GNG7: variants seen among roughly 807,000 people sequenced by gnomAD.
GNG7 encodes guanine nucleotide-binding protein G(I)/G(S)/G(O) subunit gamma-7.
GNG7 carries 1 observed loss-of-function variant against 4.0 expected under a neutral mutation model. The ratio of observed to expected loss-of-function variants is 0.25; its 90% CI spans 0.09 to 1.18. The LOEUF is 1.18. Ranked by LOEUF, GNG7 falls within the 50% of genes most tolerant of loss-of-function variation. GNG7 has a pLI of 0.50. For synonymous variants in GNG7, 34 were observed against 36.9 expected, an observed-to-expected ratio of 0.92 and a Z score of 0.29; for missense variants, 86 against 91.9, an observed-to-expected ratio of 0.94 and a Z score of 0.26.
rs190498127 is a variant in GNG7 at position 2,545,455 on chromosome 19, C to T, written c.-38+9694G>A. 2.6e-3 allele frequency among the ~76,000 whole-genome samples: 394 copies of T among 151,970 alleles called. 1 individual carries two copies. The highest frequency in any genetic ancestry group is 8.5e-3 in the African/African-American group (351 of 41,448). On this transcript the variant is annotated intron_variant, in intron 3 of 4. Transcript: ENST00000382159. ...TTGACGTCAGGGGTTCGAGACCAGC[C>T]TGGTCAACATAGTGAAACCCCATCT... is the stretch of plus-strand genomic sequence containing the variant.
At chr19:2,597,363 G>A (rs1243104739) in intron 2 of GNG7, among the ~76,000 whole-genome samples, 3 of 152,176 alleles carry the variant, frequency 2.0e-5, no homozygotes, top group East Asian at 1.9e-4. Flanking sequence ...GTGGGAGGCC[G>A]AGGCAGGCGG....
chr19:2,591,363 T>C (rs1047981871), intron 2 of GNG7, among the ~76,000 whole-genome samples: 1 of 152,172 alleles, frequency 6.6e-6, no homozygotes, highest in African/African-American at 2.4e-5. Flanking sequence ...CAATAATGCA[T>C]GCAGGATGAT....
intron 2 of GNG7, among the ~76,000 whole-genome samples, chr19:2,624,444 T>A (rs1274089295): frequency 1.4e-5 from 2 of 137,994 alleles, no homozygotes; most frequent in African/African-American, 5.6e-5. Context: ...GGCAGGAGAA[T>A]GGCGAGAACC....
intron 2 of GNG7, among the ~76,000 whole-genome samples, chr19:2,566,235 C>T (rs1454142338): frequency 6.6e-6 from 1 of 152,052 alleles, no homozygotes; most frequent in Non-Finnish European, 1.5e-5. Flanking sequence ...AGGGAGAATG[C>T]TGTATAGATA....
At chr19:2,635,053 A>C (rs1192014883) in intron 2 of GNG7, among the ~76,000 whole-genome samples, 1 of 152,138 alleles carries the variant, frequency 6.6e-6, no homozygotes, top group East Asian at 1.9e-4. Flanking sequence ...TGGACATCGG[A>C]GCCGGATTGT....
chr19:2,627,747 T>C (rs1479814696), intron 2 of GNG7, among the ~76,000 whole-genome samples: 2 of 152,236 alleles, frequency 1.3e-5, no homozygotes, highest in Non-Finnish European at 2.9e-5. Flanking sequence ...GGGAGTTGCA[T>C]GTGCTGACTA....
intron 1 of GNG7, among the ~76,000 whole-genome samples, chr19:2,661,266 AAAG>A (rs1568277647): frequency 1.7e-5 from 1 of 57,376 alleles, no homozygotes; most frequent in African/African-American, 8.2e-5. Context: ...AGAAAGAAAG[AAAG>A]AAAAGAAAGA....
intron 3 of GNG7, among the ~76,000 whole-genome samples, chr19:2,532,724 T>C (rs992845826): frequency 6.6e-6 from 1 of 152,110 alleles, no homozygotes; most frequent in Admixed American, 6.6e-5. Flanking sequence ...GAAGGAAATA[T>C]GAATTAAAGT....
chr19:2,661,224 A>G (rs573904555), intron 1 of GNG7, among the ~76,000 whole-genome samples: 1 of 146,184 alleles, frequency 6.8e-6, no homozygotes, highest in Admixed American at 7.0e-5. Flanking sequence ...AAAAAAAAAA[A>G]AGAAAAGGAA....
At chr19:2,548,913 C>T (rs939240473) in intron 3 of GNG7, among the ~76,000 whole-genome samples, 7 of 152,164 alleles carry the variant, frequency 4.6e-5, no homozygotes, top group African/African-American at 1.2e-4. Flanking sequence ...CAGCCAGGAG[C>T]GGCTTTCTCG....
intron 3 of GNG7, among the ~76,000 whole-genome samples, chr19:2,523,882 T>C (rs578142916): frequency 6.6e-6 from 1 of 152,202 alleles, no homozygotes; most frequent in Non-Finnish European, 1.5e-5. Flanking sequence ...CCAGCAGACG[T>C]CCCACCCCCA....
intron 3 of GNG7, among the ~76,000 whole-genome samples, chr19:2,553,843 G>T (rs561304370): frequency 6.9e-6 from 1 of 145,060 alleles, no homozygotes; most frequent in East Asian, 2.0e-4. Flanking sequence ...ATGTAATATT[G>T]CATACATGTA....
intron 1 of GNG7, among the ~76,000 whole-genome samples, chr19:2,686,811 G>A (rs1983884584): frequency 6.6e-6 from 1 of 150,750 alleles, no homozygotes; most frequent in Non-Finnish European, 1.5e-5. Flanking sequence ...GAGTACAGTG[G>A]CACGATCTCG....
chr19:2,525,524 C>T (rs1325124137), intron 3 of GNG7, among the ~76,000 whole-genome samples: 1 of 152,030 alleles, frequency 6.6e-6, no homozygotes, highest in Admixed American at 6.6e-5. Context: ...AATCTGTGGT[C>T]GCTCAGGGAA....
In GNG7 at chr19:2,567,027, T is replaced by C. The variant is rs187192922; in HGVS notation, c.-77-11839A>G. 1.6e-3 allele frequency among the ~76,000 whole-genome samples: 245 copies of C among 149,562 alleles called. 6 individuals are homozygous for C. In the East Asian group the frequency reaches 0.047, roughly 28 times the overall value. On this transcript the variant is annotated intron_variant, in intron 2 of 4. Transcript: ENST00000382159. ...GGCTGAGGCAGGAGAATCGCTTGAA[T>C]CCGGGAGGCGGAGCTTGCAGTGAGC...
intron 3 of GNG7, among the ~76,000 whole-genome samples, chr19:2,530,862 TGGGA>T (rs1387223817): frequency 6.6e-6 from 1 of 152,120 alleles, no homozygotes; most frequent in Non-Finnish European, 1.5e-5. Flanking sequence ...TTCCTGGGGT[TGGGA>T]GGGTTTGCTG....
chr19:2,608,984 C>T (rs574126596), intron 2 of GNG7, among the ~76,000 whole-genome samples: 2 of 152,142 alleles, frequency 1.3e-5, no homozygotes, highest in East Asian at 3.9e-4. Flanking sequence ...GTTGTACAAA[C>T]ATCATGCCTA....
At chr19:2,605,721 C>T (rs954643476) in intron 2 of GNG7, among the ~76,000 whole-genome samples, 11 of 150,446 alleles carry the variant, frequency 7.3e-5, no homozygotes, top group South Asian at 2.1e-4. Flanking sequence ...ACCATGTTGG[C>T]CAGCATGGTC....
intron 2 of GNG7, among the ~76,000 whole-genome samples, chr19:2,582,642 C>A (rs1266848425): frequency 6.9e-6 from 1 of 144,174 alleles, no homozygotes; most frequent in Non-Finnish European, 1.5e-5. Flanking sequence ...GCCACCATGG[C>A]TGGCTAATTG....
Sources: allele counts gnomAD v4.1 joint callset (sites outside exome capture counted in the v4.1 genomes callset), GRCh38; gene constraint gnomAD v4.1.1; transcripts MANE v1.5; gene names NCBI Gene and HGNC (gene_info 2026-07-23, HGNC 2026-07-21).